SLC24A2: variants seen among roughly 807,000 people sequenced by gnomAD.
SLC24A2 encodes the protein solute carrier family 24 member 2.
A neutral mutation model predicts 62.0 loss-of-function variants in SLC24A2; 36 were observed. The ratio of observed to expected loss-of-function variants is 0.58; its 90% CI spans 0.44 to 0.77. SLC24A2 has a LOEUF of 0.77. Ranked by LOEUF, SLC24A2 falls within the 30% of genes least tolerant of loss-of-function variation. The pLI is 0.00. For synonymous variants in SLC24A2, 358 were observed against 294.0 expected, an observed-to-expected ratio of 1.22 and a Z score of -2.23; for missense variants, 846 against 817.9, an observed-to-expected ratio of 1.03 and a Z score of -0.42.
chr9:20,040,931 A>T, the SLC24A2 span, among the ~76,000 whole-genome samples: 1 of 152,236 alleles, frequency 6.6e-6, no homozygotes, highest in Admixed American at 6.5e-5. Context: ...CACACAACCT[A>T]TATGAAGGGG....
chr9:19,850,448 C>A, the SLC24A2 span, among the ~76,000 whole-genome samples: 1 of 152,006 alleles, frequency 6.6e-6, no homozygotes, highest in Non-Finnish European at 1.5e-5. Flanking sequence ...AATATGCATA[C>A]CTTTTATTTA....
At chr9:20,132,879 C>T in the SLC24A2 span, among the ~76,000 whole-genome samples, 1 of 151,994 alleles carries the variant, frequency 6.6e-6, no homozygotes, top group Non-Finnish European at 1.5e-5. Context: ...ACAAATGTAG[C>T]AGGTTAGATC....
chr9:19,545,042 C>T (rs1016062990), intron 8 of SLC24A2, among the ~76,000 whole-genome samples: 1 of 152,152 alleles, frequency 6.6e-6, no homozygotes, highest in African/African-American at 2.4e-5. Flanking sequence ...GTTCCATTCT[C>T]TCCATCACTT....
At chr9:20,022,544 T>C in the SLC24A2 span, among the ~76,000 whole-genome samples, 7 of 152,204 alleles carry the variant, frequency 4.6e-5, no homozygotes, top group Non-Finnish European at 1.0e-4. Context: ...TTGCAATTCC[T>C]GTTGCTGAAG....
At chr9:20,091,219 A>C in the SLC24A2 span, among the ~76,000 whole-genome samples, 1 of 152,104 alleles carries the variant, frequency 6.6e-6, no homozygotes, top group Non-Finnish European at 1.5e-5. Context: ...AAAGAGGTCA[A>C]ATCTATGAAT....
chr9:19,879,453 T>C, the SLC24A2 span, among the ~76,000 whole-genome samples: 1 of 152,238 alleles, frequency 6.6e-6, no homozygotes, highest in Admixed American at 6.5e-5. Context: ...GTAGTCATTA[T>C]TACCTATTTA....
At chr9:20,035,404 A>T in the SLC24A2 span, among the ~76,000 whole-genome samples, 1 of 152,246 alleles carries the variant, frequency 6.6e-6, no homozygotes, top group Non-Finnish European at 1.5e-5. Flanking sequence ...GTTTGCCAAG[A>T]ATATGCCAGT....
chr9:19,880,763 G>C, the SLC24A2 span, among the ~76,000 whole-genome samples: 1 of 152,276 alleles, frequency 6.6e-6, no homozygotes, highest in Admixed American at 6.5e-5. Flanking sequence ...GAAGAGATTG[G>C]GGGGATTGGA....
At chr9:19,755,250 G>A (rs1822105974) in intron 2 of SLC24A2, among the ~76,000 whole-genome samples, 1 of 152,154 alleles carries the variant, frequency 6.6e-6, no homozygotes. Flanking sequence ...TTGGTCCCTA[G>A]TAGGAATTCA....
chr9:19,970,942 A>G, the SLC24A2 span, among the ~76,000 whole-genome samples: 1 of 152,196 alleles, frequency 6.6e-6, no homozygotes, highest in African/African-American at 2.4e-5. Flanking sequence ...ACATTTCATG[A>G]TCATACTCCT....
At chr9:19,701,545 A>G (rs1248726409) in intron 2 of SLC24A2, among the ~76,000 whole-genome samples, 1 of 152,232 alleles carries the variant, frequency 6.6e-6, no homozygotes, top group Admixed American at 6.5e-5. Flanking sequence ...CTAAGGAAAC[A>G]TGAATTTATT....
chr9:19,974,099 A>T, the SLC24A2 span, among the ~76,000 whole-genome samples: 1 of 152,290 alleles, frequency 6.6e-6, no homozygotes, highest in African/African-American at 2.4e-5. Flanking sequence ...TTTCCGGTAT[A>T]TGATAAGCAC....
At chr9:19,568,627 C>T (rs1835747157) in intron 7 of SLC24A2, among the ~76,000 whole-genome samples, 1 of 152,214 alleles carries the variant, frequency 6.6e-6, no homozygotes, top group South Asian at 2.1e-4. Flanking sequence ...AGTCACTTTT[C>T]CAGGGTCACA....
chr9:20,087,647 T>C, the SLC24A2 span, among the ~76,000 whole-genome samples: 1 of 152,206 alleles, frequency 6.6e-6, no homozygotes, highest in Non-Finnish European at 1.5e-5. Flanking sequence ...CCTTTCTTTT[T>C]TCCTACTTGA....
the SLC24A2 span, among the ~76,000 whole-genome samples, chr9:20,013,050 AC>A: frequency 6.6e-6 from 1 of 152,202 alleles, no homozygotes; most frequent in African/African-American, 2.4e-5. Flanking sequence ...AATGGAAAAA[AC>A]AATTCTAAAT....
the SLC24A2 span, among the ~76,000 whole-genome samples, chr9:20,020,659 T>C: frequency 6.6e-6 from 1 of 152,100 alleles, no homozygotes; most frequent in Non-Finnish European, 1.5e-5. Flanking sequence ...ACCATGGCAA[T>C]TATATACCTT....
chr9:20,239,724 G>C, the SLC24A2 span, among the ~76,000 whole-genome samples: 1 of 152,236 alleles, frequency 6.6e-6, no homozygotes, highest in Non-Finnish European at 1.5e-5. Context: ...TGAACTGTAT[G>C]TAAAACAGAG....
chr9:20,215,225 C>T, the SLC24A2 span, among the ~76,000 whole-genome samples: 1 of 152,278 alleles, frequency 6.6e-6, no homozygotes, highest in East Asian at 1.9e-4. Context: ...AAGGACTCTA[C>T]TCCCAATCAT....
the SLC24A2 span, among the ~76,000 whole-genome samples, chr9:20,305,302 T>G: frequency 6.6e-6 from 1 of 152,004 alleles, no homozygotes; most frequent in Non-Finnish European, 1.5e-5. Flanking sequence ...GAGATGAGGT[T>G]TCACCATGTT....
Sources: allele counts gnomAD v4.1 joint callset (sites outside exome capture counted in the v4.1 genomes callset), GRCh38; gene constraint gnomAD v4.1.1; transcripts MANE v1.5; gene names NCBI Gene and HGNC (gene_info 2026-07-23, HGNC 2026-07-21).